The following LINGO2 variants were observed in gnomAD, a reference collection of about 807,000 sequenced individuals.
The protein encoded by LINGO2 is leucine rich repeat and Ig domain containing 2, also known as leucine-rich repeat and immunoglobulin-like domain-containing nogo receptor-interacting protein 2.
In LINGO2, 14 loss-of-function variants were observed where a neutral mutation model predicts 30.6. That is an observed-to-expected ratio of 0.46 (90% CI 0.30 to 0.72). LINGO2 has a LOEUF of 0.72. Among genes scored for constraint, LINGO2 ranks in the 30% least tolerant of loss-of-function variants. LINGO2 has a pLI of 0.07. For synonymous variants in LINGO2, 317 were observed against 288.5 expected, an observed-to-expected ratio of 1.10 and a Z score of -1.00; for missense variants, 729 against 751.7, an observed-to-expected ratio of 0.97 and a Z score of 0.35.
At chr9:28,269,445 T>C (rs1227981608) in intron 4 of LINGO2, among the ~76,000 whole-genome samples, 2 of 152,186 alleles carry the variant, frequency 1.3e-5, no homozygotes, top group Non-Finnish European at 2.9e-5. Context: ...CTGTTTTAAT[T>C]TTCACTTAAA....
chr9:29,123,927 T>A, the LINGO2 span, among the ~76,000 whole-genome samples: 2 of 152,032 alleles, frequency 1.3e-5, no homozygotes, highest in African/African-American at 4.8e-5. Context: ...CAAAGTATTT[T>A]TAAAGACCCA....
chr9:28,282,757 C>A (rs577094842), intron 4 of LINGO2, among the ~76,000 whole-genome samples: 78 of 152,116 alleles, frequency 5.1e-4, no homozygotes, highest in African/African-American at 1.8e-3. Context: ...AGTCGGAATT[C>A]TTGGCTAGGA....
intron 2 of LINGO2, among the ~76,000 whole-genome samples, chr9:28,473,963 G>T (rs2135183305): frequency 6.6e-6 from 1 of 152,108 alleles, no homozygotes; most frequent in East Asian, 1.9e-4. Flanking sequence ...ATCATTTTGA[G>T]AAAAATTCAA....
At chr9:29,062,932 C>A in the LINGO2 span, among the ~76,000 whole-genome samples, 2 of 152,078 alleles carry the variant, frequency 1.3e-5, no homozygotes, top group African/African-American at 4.8e-5. Flanking sequence ...ACTCCCTGAC[C>A]TGGAGGGAAC....
the LINGO2 span, among the ~76,000 whole-genome samples, chr9:28,786,704 C>T: frequency 6.6e-6 from 1 of 152,112 alleles, no homozygotes; most frequent in Admixed American, 6.5e-5. Flanking sequence ...CTCACATTGT[C>T]AGGATCCTGA....
intron 2 of LINGO2, among the ~76,000 whole-genome samples, chr9:28,398,710 G>T (rs1427992447): frequency 6.6e-6 from 1 of 151,846 alleles, no homozygotes; most frequent in Non-Finnish European, 1.5e-5. Flanking sequence ...ACGAGACTGA[G>T]AGAGAGAAGG....
At chr9:29,173,664 T>C in the LINGO2 span, among the ~76,000 whole-genome samples, 2 of 152,162 alleles carry the variant, frequency 1.3e-5, no homozygotes, top group African/African-American at 4.8e-5. Flanking sequence ...ACAGTGGCTA[T>C]GTTAATCTCA....
At chr9:28,592,356 G>T (rs948796613) in intron 1 of LINGO2, among the ~76,000 whole-genome samples, 14 of 152,182 alleles carry the variant, frequency 9.2e-5, no homozygotes, top group African/African-American at 3.4e-4. Context: ...ACTGATATTT[G>T]TAAATGCAAA....
upstream of LINGO2, among the ~76,000 whole-genome samples, chr9:28,673,495 C>T (rs899320028): frequency 1.1e-4 from 17 of 152,098 alleles, no homozygotes; most frequent in Admixed American, 9.2e-4. Flanking sequence ...AGAGAAACCT[C>T]GTCTCTACTA....
chr9:28,285,557 C>T (rs1332796796), intron 4 of LINGO2, among the ~76,000 whole-genome samples: 1 of 151,960 alleles, frequency 6.6e-6, no homozygotes, highest in Non-Finnish European at 1.5e-5. Context: ...AGGCACCCAC[C>T]ACCATGCCTG....
chr9:29,190,706 T>C, the LINGO2 span, among the ~76,000 whole-genome samples: 1 of 152,102 alleles, frequency 6.6e-6, no homozygotes, highest in Admixed American at 6.5e-5. Context: ...ACCTTAAAAG[T>C]TGTTTATTTA....
At chr9:28,019,319 GTT>G (rs3064662) in intron 4 of LINGO2, among the ~76,000 whole-genome samples, 1 of 142,148 alleles carries the variant, frequency 7.0e-6, no homozygotes, top group African/African-American at 2.6e-5. Flanking sequence ...GGGAATATAT[GTT>G]TTTTTTTTTC....
chr9:28,992,608 T>G, the LINGO2 span, among the ~76,000 whole-genome samples: 2 of 152,096 alleles, frequency 1.3e-5, no homozygotes, highest in Non-Finnish European at 2.9e-5. Context: ...GACCGCATAG[T>G]TGGAAGTAAA....
At chr9:28,668,128 A>T (rs1828872534) in intron 1 of LINGO2, among the ~76,000 whole-genome samples, 1 of 152,148 alleles carries the variant, frequency 6.6e-6, no homozygotes, top group Admixed American at 6.5e-5. Flanking sequence ...CCCACCAAAG[A>T]TTTTGAGAAA....
At chr9:28,234,873 T>C (rs1185500769) in intron 4 of LINGO2, among the ~76,000 whole-genome samples, 1 of 152,200 alleles carries the variant, frequency 6.6e-6, no homozygotes, top group East Asian at 1.9e-4. Context: ...TATATACGTA[T>C]ACACCACTAC....
At chr9:29,024,943 AC>A in the LINGO2 span, among the ~76,000 whole-genome samples, 1 of 152,060 alleles carries the variant, frequency 6.6e-6, no homozygotes, top group South Asian at 2.1e-4. Flanking sequence ...CAAAAAGATG[AC>A]CTCTTCCCTT....
chr9:28,431,507 T>C (rs1486030102), intron 2 of LINGO2, among the ~76,000 whole-genome samples: 1 of 152,228 alleles, frequency 6.6e-6, no homozygotes, highest in East Asian at 1.9e-4. Context: ...AGAATTTTAA[T>C]ATTTTAGTCA....
chr9:28,243,387 G>A (rs1821874603), intron 4 of LINGO2, among the ~76,000 whole-genome samples: 1 of 151,658 alleles, frequency 6.6e-6, no homozygotes, highest in African/African-American at 2.4e-5. Context: ...TTGAACCTGG[G>A]AGGCAGAGGT....
At chr9:29,183,330 T>C in the LINGO2 span, among the ~76,000 whole-genome samples, 1 of 152,172 alleles carries the variant, frequency 6.6e-6, no homozygotes, top group Non-Finnish European at 1.5e-5. Flanking sequence ...TGTCCCAACA[T>C]CACTCTGATC....
Sources: gnomAD v4.1 joint callset for allele counts (sites outside exome capture counted in the v4.1 genomes callset) on GRCh38, gnomAD v4.1.1 for gene constraint, MANE v1.5 for transcripts, NCBI Gene and HGNC (gene_info 2026-07-23, HGNC 2026-07-21) for gene names.